PRDM1: variants seen among roughly 807,000 people sequenced by gnomAD.
PRDM1 encodes the protein PR/SET domain 1.
A neutral mutation model predicts 62.8 loss-of-function variants in PRDM1; 13 were observed. That is an observed-to-expected ratio of 0.21 (90% CI 0.13 to 0.33). PRDM1 has a LOEUF of 0.33. Ranked by LOEUF, PRDM1 falls within the 10% of genes least tolerant of loss-of-function variation. The pLI is 1.00. For missense variants in PRDM1, 895 were observed against 1,058.8 expected (o/e 0.85, Z 2.15); for synonymous variants, 396 against 417.6 (o/e 0.95, Z 0.63).
At chr6:105,999,367 G>A (rs1371386322) in intron 1 of PRDM1, among the ~76,000 whole-genome samples, 1 of 151,830 alleles carries the variant, frequency 6.6e-6, no homozygotes, top group Non-Finnish European at 1.5e-5. Context: ...ACCAGCCTGG[G>A]CAATATAGCA....
At chr6:105,996,222 A>T (rs114012843) in intron 1 of PRDM1, among the ~76,000 whole-genome samples, 1 of 152,204 alleles carries the variant, frequency 6.6e-6, no homozygotes, top group Non-Finnish European at 1.5e-5. Context: ...TGTATAATTT[A>T]ATCTGAATCG....
At chr6:106,062,613 T>C (rs943049366) in intron 1 of PRDM1, among the ~76,000 whole-genome samples, 1 of 152,238 alleles carries the variant, frequency 6.6e-6, no homozygotes, top group African/African-American at 2.4e-5. Flanking sequence ...TAACAAGAGT[T>C]ATTCCTGTAT....
intron 1 of PRDM1, among the ~76,000 whole-genome samples, chr6:105,993,845 T>G (rs1772314062): frequency 6.6e-6 from 1 of 152,216 alleles, no homozygotes; most frequent in Non-Finnish European, 1.5e-5. Flanking sequence ...GCATTAATTC[T>G]TCAGTCTTTT....
In PRDM1 at chr6:106,107,173, A is replaced by G. The variant is rs774393895; in HGVS notation, c.2165A>G (p.Asp722Gly). The change falls in exon 7 of 7, where the codon GAT becomes GGT. Residue 722 changes from aspartate (D) to glycine (G), a missense_variant. Around this residue, in one of 4 missense-constraint regions of PRDM1, gnomAD observed 164 missense variants for 179.9 expected, o/e 0.91. Coordinates refer to ENST00000369096, the MANE Select transcript of PRDM1 (RefSeq NM_001198.4). The part of the protein sequence containing the change: ...AAPAPGLPLE[D>G]LTRINEEIEK... ...CCGGCGCCTGGGCTGCCCTTGGAAGATCTGACCCGAATCAATGAAGAAATC... is the reference window on the plus strand; with the variant it reads ...CCGGCGCCTGGGCTGCCCTTGGAAGGTCTGACCCGAATCAATGAAGAAATC... 1.9e-6 allele frequency: 3 copies of G among 1,614,212 alleles called. No individual in the cohort carries two copies. The highest frequency in any genetic ancestry group is 1.7e-5 in the Admixed American group (1 of 60,032).
Position 106,108,237 on chromosome 6 carries a change from C to T in PRDM1, c.*751C>T. ...TTTGTTGATAGTTCATGTTTTTCCC[C>T]CAGCCACAATTTTACCGGAAGGGTG... On this transcript the variant is annotated 3_prime_UTR_variant, in exon 7 of 7. Transcript: ENST00000369096. 4.3e-6 allele frequency: 1 copy of T among 233,566 alleles called. No individual in the cohort carries two copies. The highest frequency in any genetic ancestry group is 6.0e-5 in the East Asian group (1 of 16,712). 14.5% of individuals were successfully genotyped at this position (233,566 alleles called of 1,614,324 possible).
At chr6:106,096,543 T>C (rs1774122872) in intron 3 of PRDM1, among the ~76,000 whole-genome samples, 2 of 152,220 alleles carry the variant, frequency 1.3e-5, no homozygotes, top group South Asian at 2.1e-4. Context: ...ACTAGTCCTA[T>C]TTAAATACAT....
chr6:106,032,325 A>ATTTT (rs71006666), intron 1 of PRDM1, among the ~76,000 whole-genome samples: 1 of 144,084 alleles, frequency 6.9e-6, no homozygotes. Context: ...CACCCAGCTA[A>ATTTT]TTTTTTTTTT....
chr6:106,037,671 T>C (rs1562150015), intron 1 of PRDM1, among the ~76,000 whole-genome samples: 1 of 152,170 alleles, frequency 6.6e-6, no homozygotes, highest in Non-Finnish European at 1.5e-5. Flanking sequence ...TTTTTGTCCT[T>C]GTACTTTTCA....
rs556893257 is a variant in PRDM1 at position 106,108,416 on chromosome 6, A to G, written c.*930A>G. 8.2e-5 allele frequency: 19 copies of G among 232,454 alleles called. No individual in the cohort carries two copies. Among genetic ancestry groups the G allele is most frequent in the East Asian group, 7.8e-4 (13 of 16,626 alleles). 14.4% of individuals were successfully genotyped at this position (232,454 alleles called of 1,614,324 possible). A position where few individuals can be genotyped will look rare whatever the true frequency, so the allele number is the denominator to read the frequency against. On this transcript the variant is annotated 3_prime_UTR_variant, in exon 7 of 7. Coordinates refer to ENST00000369096, the MANE Select transcript of PRDM1 (RefSeq NM_001198.4). Reference sequence around the variant, plus strand: ...AAAATGTGAAGAAGAAAAAAATGCCATGTTTTAAAACCACTGCGAAAATTT... The same window carrying G: ...AAAATGTGAAGAAGAAAAAAATGCCGTGTTTTAAAACCACTGCGAAAATTT...
chr6:106,059,982 T>C (rs1773319989), intron 1 of PRDM1, among the ~76,000 whole-genome samples: 1 of 152,162 alleles, frequency 6.6e-6, no homozygotes, highest in African/African-American at 2.4e-5. Context: ...TGGATTAAGA[T>C]TGATATGTCC....
At chr6:106,018,339 G>A (rs1229863769) in intron 1 of PRDM1, among the ~76,000 whole-genome samples, 1 of 152,188 alleles carries the variant, frequency 6.6e-6, no homozygotes, top group African/African-American at 2.4e-5. Flanking sequence ...TGAGAAGCTA[G>A]TATAGTTTTC....
chr6:106,006,678 G>T lies in PRDM1; in HGVS notation c.-67+13039G>T, dbSNP rs1484660864. On this transcript the variant is annotated intron_variant, in intron 1 of 6. Transcript: ENST00000652320. ...GGGTTTGGGTGGTACACATAACGAA[G>T]AAATTACTTCCTTCTTTCCAGTTTT... 2.0e-5 allele frequency among the ~76,000 whole-genome samples: 3 copies of T among 151,978 alleles called. 1 individual carries two copies. The highest frequency in any genetic ancestry group is 4.4e-5 in the Non-Finnish European group (3 of 67,954).
intron 1 of PRDM1, among the ~76,000 whole-genome samples, chr6:106,019,266 A>G: frequency 6.7e-6 from 1 of 150,312 alleles, no homozygotes; most frequent in African/African-American, 2.4e-5. Flanking sequence ...AAAAAAAAAA[A>G]AAAAAAAAAA....
chr6:106,022,060 G>T (rs933170126), intron 1 of PRDM1, among the ~76,000 whole-genome samples: 6 of 152,156 alleles, frequency 3.9e-5, no homozygotes, highest in Non-Finnish European at 5.9e-5. Flanking sequence ...CTACCCAAAA[G>T]ACTAGTATAA....
intron 1 of PRDM1, chr6:106,078,149 G>A (rs1773632600): frequency 6.6e-6 from 1 of 152,226 alleles, no homozygotes; most frequent in African/African-American, 2.4e-5. Flanking sequence ...GGCTTGCTCA[G>A]ACTACTGTAG....
intron 1 of PRDM1, among the ~76,000 whole-genome samples, chr6:106,051,073 A>G (rs1773165874): frequency 6.6e-6 from 1 of 152,214 alleles, no homozygotes; most frequent in African/African-American, 2.4e-5. Context: ...TAGAAAAGTC[A>G]GGTTTCACCT....
At chr6:106,068,554 C>A (rs2114598927) in intron 1 of PRDM1, among the ~76,000 whole-genome samples, 1 of 152,316 alleles carries the variant, frequency 6.6e-6, no homozygotes, top group East Asian at 1.9e-4. Context: ...ACCTCTCCCA[C>A]TGTAACTCCT....
intron 3 of PRDM1, 59 bp from the exon 4 acceptor site, chr6:106,099,241 G>A (rs1347086053): frequency 1.2e-5 from 20 of 1,609,666 alleles, no homozygotes; most frequent in Non-Finnish European, 1.5e-5. Context: ...TATTCTGAGA[G>A]GTGCTGGGGA....
intron 2 of PRDM1, among the ~76,000 whole-genome samples, chr6:106,092,141 A>C (rs1174323333): frequency 8.1e-5 from 12 of 147,468 alleles, no homozygotes; most frequent in East Asian, 5.9e-4. Flanking sequence ...AAAAAAAAAA[A>C]AAAAAACAAA....
Sources: gnomAD v4.1 joint callset for allele counts (sites outside exome capture counted in the v4.1 genomes callset) on GRCh38, gnomAD v4.1.1 for gene constraint, gnomAD v4.1.1 regional missense constraint, MANE v1.5 for transcripts, NCBI Gene and HGNC (gene_info 2026-07-23, HGNC 2026-07-21) for gene names.